The following HECW1 variants were observed in gnomAD, a reference collection of about 807,000 sequenced individuals.
The protein encoded by HECW1 is HECT, C2 and WW domain containing E3 ubiquitin protein ligase 1, also known as E3 ubiquitin-protein ligase HECW1.
HECW1 carries 61 observed loss-of-function variants against 182.3 expected under a neutral mutation model. The observed-to-expected ratio is 0.33, with a 90% CI of 0.27 to 0.41. HECW1 has a LOEUF of 0.41. Ranked by LOEUF, HECW1 falls within the 10% of genes least tolerant of loss-of-function variation. The pLI, the probability that HECW1 is intolerant of heterozygous loss-of-function variation, is 1.00. For missense variants in HECW1, 1,739 were observed against 2,108.9 expected (o/e 0.82, Z 3.44); for synonymous variants, 859 against 832.6 (o/e 1.03, Z -0.55).
chr7:43,263,870 C>T (rs1801451548), intron 3 of HECW1, among the ~76,000 whole-genome samples: 1 of 152,124 alleles, frequency 6.6e-6, no homozygotes, highest in South Asian at 2.1e-4. Context: ...CCACTCCTTA[C>T]CTCTTAATTT....
Position 43,280,870 on chromosome 7 carries a change from G to A in HECW1, c.28-30893G>A, listed in dbSNP as rs148018536. Among the ~76,000 whole-genome samples, 37 of 152,292 alleles carry A rather than the reference G, an allele frequency of 2.4e-4. No individual in the cohort carries two copies. In the East Asian group the frequency reaches 4.1e-3, roughly 17 times the overall value. On this transcript the variant is annotated intron_variant, in intron 3 of 29. Transcript: ENST00000395891. ...AGGAGCAAATGGGTTTGAGGAACAG[G>A]GAGAAGGCAGTTAAGAGAGGGGAAG...
At chr7:43,559,056 G>T (rs1448683519) in intron 29 of HECW1, among the ~76,000 whole-genome samples, 1 of 152,196 alleles carries the variant, frequency 6.6e-6, no homozygotes. Flanking sequence ...TGCCACTTTT[G>T]TGTGTTTCTA....
intron 21 of HECW1, among the ~76,000 whole-genome samples, chr7:43,503,181 C>G (rs1032783675): frequency 6.6e-5 from 10 of 152,226 alleles, no homozygotes; most frequent in African/African-American, 2.4e-4. Flanking sequence ...CTACCTCTGA[C>G]GCACAACATA....
intron 3 of HECW1, among the ~76,000 whole-genome samples, chr7:43,264,622 G>A (rs1340801794): frequency 6.6e-6 from 1 of 152,084 alleles, no homozygotes; most frequent in Non-Finnish European, 1.5e-5. Flanking sequence ...AAGGCGGGCA[G>A]ATCACAAGGT....
chr7:43,114,736 T>TG (rs199843180), intron 2 of HECW1, among the ~76,000 whole-genome samples: 1,665 of 152,078 alleles, frequency 0.011, 25 homozygotes, highest in African/African-American at 0.038. Context: ...TTCTCTTTTT[T>TG]TTTGGAGTAG....
At chr7:43,466,326 TA>T in intron 14 of HECW1, 120 bp from the exon 15 acceptor site, 2 of 1,006,610 alleles carry the variant, frequency 2.0e-6, no homozygotes, top group Non-Finnish European at 3.0e-6. Flanking sequence ...ACACTTGGCC[TA>T]AATCCAACAG....
At chr7:43,121,991 G>A (rs1259026663) in intron 2 of HECW1, 2 of 152,178 alleles carry the variant, frequency 1.3e-5, no homozygotes, top group South Asian at 2.1e-4. Flanking sequence ...TATACGCCAT[G>A]TTGTGTCCAC....
At chr7:43,236,737 C>T (rs1435082827) in intron 2 of HECW1, among the ~76,000 whole-genome samples, 1 of 152,124 alleles carries the variant, frequency 6.6e-6, no homozygotes, top group East Asian at 1.9e-4. Context: ...TGAAGATTAG[C>T]TATCAGTTTA....
intron 8 of HECW1, among the ~76,000 whole-genome samples, chr7:43,416,925 C>T (rs55909267): frequency 0.35 from 52,739 of 151,570 alleles, 9,459 homozygotes; most frequent in Middle Eastern, 0.47. Flanking sequence ...GCACCCACTG[C>T]CTGGCACTCC....
Position 43,437,736 on chromosome 7 carries a change from G to T in HECW1, c.802-267G>T, listed in dbSNP as rs146083311. 1.6e-4 allele frequency among the ~76,000 whole-genome samples: 24 copies of T among 152,226 alleles called. No homozygotes were observed. In the East Asian group the frequency reaches 4.6e-3, roughly 29 times the overall value. On this transcript the variant is annotated intron_variant, in intron 8 of 29. Coordinates refer to ENST00000395891, the MANE Select transcript of HECW1 (RefSeq NM_015052.5). ...AATACCTTCAATCAAGTATGATGAG[G>T]CTTTGGTGGCATTCTTTCTCTTTAA...
chr7:43,493,056 A>G, intron 18 of HECW1, 28 bp from the exon 19 acceptor site: 3 of 1,529,818 alleles, frequency 2.0e-6, no homozygotes, highest in Non-Finnish European at 2.7e-6. Context: ...TGCAGACTCA[A>G]CCACAACTGT....
At chr7:43,386,618 C>T (rs1375045774) in intron 6 of HECW1, among the ~76,000 whole-genome samples, 2 of 152,196 alleles carry the variant, frequency 1.3e-5, no homozygotes, top group Admixed American at 1.3e-4. Flanking sequence ...CTGCATGTTT[C>T]TGCTGTCTTC....
At chr7:43,254,743 C>T (rs887529919) in intron 3 of HECW1, among the ~76,000 whole-genome samples, 1 of 152,236 alleles carries the variant, frequency 6.6e-6, no homozygotes, top group Non-Finnish European at 1.5e-5. Context: ...CATCTCTCTT[C>T]GCTTCCAGCA....
In HECW1 at chr7:43,312,006, G is replaced by T; in HGVS notation, c.271G>T (p.Gly91Trp). 1 of 1,614,116 alleles carries T rather than the reference G, an allele frequency of 6.2e-7. No individual in the cohort carries two copies. Among genetic ancestry groups the T allele is most frequent in the Non-Finnish European group, 8.5e-7 (1 of 1,179,970 alleles). Residue 91 changes from glycine to tryptophan, a missense_variant, in exon 4 of 30, where the codon GGG becomes TGG. By Grantham distance (184) the Gly-to-Trp change is radical. Coordinates refer to ENST00000395891, the MANE Select transcript of HECW1 (RefSeq NM_015052.5). Reference sequence around the variant, plus strand: ...GGTCAGCAGCTCCTACTATTCCATCGGGCACTCTCAGGACCTGGTCATCCA... The same window carrying T: ...GGTCAGCAGCTCCTACTATTCCATCTGGCACTCTCAGGACCTGGTCATCCA... ...LMVSSSYYSI[G>W]HSQDLVIHWD... is the part of the protein sequence containing the mutation.
chr7:43,219,741 C>T (rs368485190), intron 2 of HECW1, among the ~76,000 whole-genome samples: 38 of 152,128 alleles, frequency 2.5e-4, no homozygotes, highest in African/African-American at 8.0e-4. Flanking sequence ...AGTCAGGGGT[C>T]GATCTTTAAT....
chr7:43,307,782 G>A (rs1170522502), intron 3 of HECW1, among the ~76,000 whole-genome samples: 1 of 150,698 alleles, frequency 6.6e-6, no homozygotes, highest in African/African-American at 2.4e-5. Flanking sequence ...TTGCTCAAAT[G>A]TGCTCACCAC....
At chr7:43,139,128 T>C (rs938009278) in intron 2 of HECW1, among the ~76,000 whole-genome samples, 2 of 152,156 alleles carry the variant, frequency 1.3e-5, no homozygotes, top group African/African-American at 4.8e-5. Context: ...TTATTCTTAA[T>C]GAGCAGCTCT....
Position 43,114,277 on chromosome 7 carries a change from C to T in HECW1, c.-146C>T, listed in dbSNP as rs1342920093. On this transcript the variant is annotated 5_prime_UTR_variant, in exon 2 of 30. Coordinates refer to ENST00000395891, the MANE Select transcript of HECW1 (RefSeq NM_015052.5). ...GCGATTTAGGAGGGCAGATGCCCTACCCGAAAAGGCCAACCGTTAAAGACC... is the reference window on the plus strand; with the variant it reads ...GCGATTTAGGAGGGCAGATGCCCTATCCGAAAAGGCCAACCGTTAAAGACC... The T allele has an allele frequency of 1.5e-6, 2 of 1,363,838 alleles. No homozygotes were observed. Among genetic ancestry groups the T allele is most frequent in the African/African-American group, 2.9e-5 (2 of 69,310 alleles). The allele number at this position is 1,363,838 out of a possible 1,614,324, so 84.5% of individuals were successfully genotyped here. A position where few individuals can be genotyped will look rare whatever the true frequency, so the allele number is the denominator to read the frequency against.
chr7:43,526,689 G>A (rs2080769624), intron 24 of HECW1, among the ~76,000 whole-genome samples: 1 of 152,176 alleles, frequency 6.6e-6, no homozygotes, highest in Non-Finnish European at 1.5e-5. Context: ...TCACCTTCCT[G>A]TATTATCCAG....
Sources: allele counts gnomAD v4.1 joint callset (sites outside exome capture counted in the v4.1 genomes callset), GRCh38; gene constraint gnomAD v4.1.1; transcripts MANE v1.5; gene names NCBI Gene and HGNC (gene_info 2026-07-23, HGNC 2026-07-21).